CELF1: variants seen among roughly 807,000 people sequenced by gnomAD.
The protein encoded by CELF1 is 50 kDa nuclear polyadenylated RNA-binding protein.
In CELF1, 10 loss-of-function variants were observed where a neutral mutation model predicts 61.8. The ratio of observed to expected loss-of-function variants is 0.16; its 90% confidence interval spans 0.10 to 0.27. The LOEUF (loss-of-function observed/expected upper bound fraction) is 0.27. CELF1 is among the 10% of genes least tolerant of loss of function. CELF1 has a pLI of 1.00. For synonymous variants in CELF1, 236 were observed against 225.1 expected (o/e 1.05, Z -0.43); for missense variants, 380 against 639.1 (o/e 0.59, Z 4.37).
chr11:47,471,999 T>TA lies in CELF1; in HGVS notation c.*230dup, dbSNP rs1480128747. On this transcript the variant is annotated 3_prime_UTR_variant, in exon 15 of 15. Transcript: ENST00000687097. The stretch of plus-strand genomic sequence containing the variant: ...AAAAAAAACCTCAGGATATGGCACC[T>TA]AAACTCCAAAGTAAAACACTGGAAA... 8 of 493,338 alleles carry TA rather than the reference T, an allele frequency of 1.6e-5. No individual in the cohort carries two copies. The highest frequency in any genetic ancestry group is 1.5e-4 in the African/African-American group (8 of 53,152). The allele number at this position is 493,338 out of a possible 1,614,324, so 30.6% of individuals were successfully genotyped here.
At chr11:47,491,658 C>T (rs1030967214) in intron 3 of CELF1, among the ~76,000 whole-genome samples, 3 of 152,290 alleles carry the variant, frequency 2.0e-5, no homozygotes, top group East Asian at 1.9e-4. Context: ...TAAATTTCCA[C>T]CTTCGTTGTG....
intron 2 of CELF1, 192 bp from the exon 3 acceptor site, chr11:47,499,796 A>G: frequency 2.3e-6 from 1 of 426,308 alleles, no homozygotes; most frequent in Non-Finnish European, 4.3e-6. Flanking sequence ...TGTTTTGTGC[A>G]ATTTTCCCTG....
intron 8 of CELF1, 96 bp downstream of exon 8, chr11:47,483,357 G>T (rs2084634440): frequency 2.2e-6 from 2 of 896,886 alleles, no homozygotes; most frequent in African/African-American, 1.6e-5. Flanking sequence ...AACCTTCTGG[G>T]CAATCAGATG....
chr11:47,530,918 G>A (rs2153689588), intron 1 of CELF1, among the ~76,000 whole-genome samples: 1 of 152,142 alleles, frequency 6.6e-6, no homozygotes, highest in African/African-American at 2.4e-5. Flanking sequence ...TCATGCCATT[G>A]CACTCCAAGC....
chr11:47,476,057 T>C (rs1383036968), intron 12 of CELF1, among the ~76,000 whole-genome samples: 1 of 151,550 alleles, frequency 6.6e-6, no homozygotes, highest in Non-Finnish European at 1.5e-5. Context: ...TGGAGTTCAG[T>C]GGTACAATCA....
At chr11:47,539,782 T>G (rs939097570) in intron 1 of CELF1, among the ~76,000 whole-genome samples, 1 of 152,218 alleles carries the variant, frequency 6.6e-6, no homozygotes, top group African/African-American at 2.4e-5. Flanking sequence ...TGTGGATGGC[T>G]GCCCTCTCTC....
chr11:47,495,946 T>C, intron 3 of CELF1: 1 of 983,046 alleles, frequency 1.0e-6, no homozygotes, highest in Non-Finnish European at 1.2e-6. Flanking sequence ...TACTTACCAA[T>C]CCCTCCACCT....
chr11:47,553,746 C>T (rs879848511), upstream of CELF1, among the ~76,000 whole-genome samples: 1 of 151,864 alleles, frequency 6.6e-6, no homozygotes, highest in Non-Finnish European at 1.5e-5. Context: ...TAAGGAAGTT[C>T]ACAAAGATTC....
upstream of CELF1, chr11:47,557,497 G>A (rs974392378): frequency 1.3e-4 from 19 of 142,808 alleles, no homozygotes; most frequent in African/African-American, 4.7e-4. Context: ...AATTACAGGG[G>A]TGAGCCATCA....
At chr11:47,539,442 G>A (rs533713387) in intron 1 of CELF1, among the ~76,000 whole-genome samples, 47 of 152,170 alleles carry the variant, frequency 3.1e-4, no homozygotes, top group African/African-American at 6.0e-4. Context: ...ACCTGAGGTC[G>A]GGAGTTCGAG....
chr11:47,476,851 A>G lies in CELF1; in HGVS notation c.1082T>C (p.Leu361Ser), dbSNP rs1244680471. The G allele has an allele frequency of 6.2e-7, 1 of 1,613,704 alleles. No homozygotes were observed. Among genetic ancestry groups the G allele is most frequent in the Admixed American group, 1.7e-5 (1 of 60,034 alleles). The change falls in exon 12 of 15, where the codon TTG (leucine) becomes TCG (serine). Residue 361 changes from leucine (L) to serine (S), a missense_variant. Coordinates refer to ENST00000687097, the MANE Select transcript of CELF1 (RefSeq NM_001376376.1). ...AGCCAGGTGCTGCCCCTTACCTGCC[A>G]AAGAGCCAACATTGAGGCCAGCCGT... ...GATAGLNVGS[L>S]AGMAALNGGL...
chr11:47,488,008 A>G (rs185193080), intron 4 of CELF1, among the ~76,000 whole-genome samples: 248 of 152,340 alleles, frequency 1.6e-3, no homozygotes, highest in African/African-American at 5.7e-3. Flanking sequence ...ATTGCCAGTC[A>G]TGTTCAGAAA....
chr11:47,486,160 CAAA>C (rs375593179), intron 6 of CELF1, among the ~76,000 whole-genome samples: 2 of 82,704 alleles, frequency 2.4e-5, no homozygotes. Flanking sequence ...GACTCCATCT[CAAA>C]AAAAAAAAAA....
intron 1 of CELF1, among the ~76,000 whole-genome samples, chr11:47,547,813 T>TTTCATGTAACTAAATTTCATGTAA: frequency 6.6e-6 from 1 of 151,708 alleles, no homozygotes; most frequent in Non-Finnish European, 1.5e-5. Flanking sequence ...ACATGAAATA[T>TTTCATGTAACTAAATTTCATGTAA]CTAGAATAAG....
chr11:47,530,147 T>C (rs1438269694), intron 1 of CELF1, among the ~76,000 whole-genome samples: 2 of 152,206 alleles, frequency 1.3e-5, no homozygotes, highest in African/African-American at 4.8e-5. Context: ...ACTCAAAATG[T>C]GACATATGTG....
chr11:47,508,842 C>A (rs552313954), intron 1 of CELF1, among the ~76,000 whole-genome samples: 1 of 152,292 alleles, frequency 6.6e-6, no homozygotes, highest in East Asian at 1.9e-4. Flanking sequence ...GCGATCTCGG[C>A]TTACTGCAAC....
At chr11:47,526,511 A>T (rs2153673771) in intron 1 of CELF1, among the ~76,000 whole-genome samples, 1 of 152,338 alleles carries the variant, frequency 6.6e-6, no homozygotes, top group African/African-American at 2.4e-5. Context: ...CTTTAGAGAA[A>T]ACATATTCTA....
In CELF1 at chr11:47,468,874, T is replaced by TG. The variant is rs1239192228; in HGVS notation, c.*3355dup. ...CATCGACATGCTTTAGGCACAACGA[T>TG]GAACAAACGGCAGGAATCTAGAAAA... On this transcript the variant is annotated 3_prime_UTR_variant, in exon 15 of 15. Transcript: ENST00000687097. 1.3e-5 allele frequency: 2 copies of TG among 151,868 alleles called. No individual in the cohort carries two copies. Among genetic ancestry groups the TG allele is most frequent in the African/African-American group, 4.9e-5 (2 of 41,182 alleles). 9.4% of individuals were successfully genotyped at this position (151,868 alleles called of 1,614,324 possible). A position where few individuals can be genotyped will look rare whatever the true frequency, so the allele number is the denominator to read the frequency against.
At chr11:47,558,681 TATA>T (rs1313897957) in intron 2 of CELF1, among the ~76,000 whole-genome samples, 1 of 99,508 alleles carries the variant, frequency 1.0e-5, no homozygotes, top group Non-Finnish European at 1.8e-5. Context: ...TAATATGTAA[TATA>T]TTATATATAA....
Sources: gnomAD v4.1 joint callset for allele counts (sites outside exome capture counted in the v4.1 genomes callset) on GRCh38, gnomAD v4.1.1 for gene constraint, MANE v1.5 for transcripts, NCBI Gene and HGNC (gene_info 2026-07-23, HGNC 2026-07-21) for gene names.